DNAH17: variants seen among roughly 807,000 people sequenced by gnomAD.
DNAH17 encodes axonemal beta dynein heavy chain 17.
DNAH17 carries 376 observed loss-of-function variants against 485.6 expected under a neutral mutation model. That is an observed-to-expected ratio of 0.77 (90% CI 0.71 to 0.84). DNAH17 has a LOEUF of 0.84. Among genes scored for constraint, DNAH17 ranks in the 40% least tolerant of loss-of-function variants. DNAH17 has a pLI of 0.00. For synonymous variants in DNAH17, 3,031 were observed against 2,405.9 expected, an observed-to-expected ratio of 1.26 and a Z score of -7.60; for missense variants, 6,370 against 5,839.3, an observed-to-expected ratio of 1.09 and a Z score of -2.96.
rs1275176403 is a variant in DNAH17, at chr17:78,500,363, C to T, written c.5582G>A (p.Gly1861Asp). 6.2e-7 allele frequency: 1 copy of T among 1,612,794 alleles called. No individual in the cohort carries two copies. Reference protein sequence around the residue: ...TGKTETTKDLGRALGTMVYVF... With the variant: ...TGKTETTKDLDRALGTMVYVF... ...GTAGACCATGGTGCCCAGGGCTCTG[C>T]CCAGGTCCTTGGTCGTCTCAGTCTT... Residue 1861 changes from glycine to aspartate, a missense_variant, in exon 36 of 81, where the codon GGC becomes GAC. Gly to Asp is a moderately conservative substitution (Grantham distance 94). Transcript: ENST00000389840.
chr17:78,459,467 C>T (rs984191498), intron 60 of DNAH17, among the ~76,000 whole-genome samples: 12 of 152,218 alleles, frequency 7.9e-5, no homozygotes, highest in Admixed American at 2.0e-4. Flanking sequence ...GAGATGCAGA[C>T]GAGATGACGT....
chr17:78,449,295 G>A (rs758224712), intron 69 of DNAH17, 119 bp downstream of exon 69: 2 of 1,053,008 alleles, frequency 1.9e-6, no homozygotes, highest in African/African-American at 3.2e-5. Context: ...CTAAAATGCG[G>A]GTTTGAAATC....
chr17:78,423,886 G>T lies in DNAH17; in HGVS notation c.*20C>A, dbSNP rs751856381. ...TTGTGGTCCAGCCCCAGGGAGTGTG[G>T]GCTGTGAGGCAGGAGCGAGCTAAAC... is the stretch of plus-strand genomic sequence containing the variant. On this transcript the variant is annotated 3_prime_UTR_variant, in exon 81 of 81. Transcript: ENST00000389840. 1.1e-5 allele frequency: 17 copies of T among 1,613,194 alleles called. No individual in the cohort carries two copies. The South Asian group carries it at 1.9e-4, about 18-fold the overall frequency.
intron 39 of DNAH17, 21 bp from the exon 40 acceptor site, chr17:78,494,841 T>C (rs2090007482): frequency 1.9e-6 from 3 of 1,581,982 alleles, no homozygotes; most frequent in African/African-American, 2.7e-5. Flanking sequence ...TGGGCACAGG[T>C]GGGCAGACGT....
At chr17:78,553,204 A>G (rs1289289847) in intron 14 of DNAH17, among the ~76,000 whole-genome samples, 3 of 142,762 alleles carry the variant, frequency 2.1e-5, no homozygotes, top group Non-Finnish European at 4.5e-5. Flanking sequence ...AGAAACCACT[A>G]TGCTTCCTGT....
In DNAH17 at chr17:78,539,845, G is replaced by T. The variant is rs1598673355; in HGVS notation, c.2568C>A (p.Ser856Arg). Residue 856 changes from serine (S) to arginine (R), a missense_variant, in exon 18 of 81, where the codon AGC becomes AGA. Transcript: ENST00000389840. Reference protein sequence around the residue: ...NAELFRADTLSLPWKDYVIYI... With the variant: ...NAELFRADTLRLPWKDYVIYI... ...AGATGACATAATCCTTCCAGGGCAGGCTCAGTGTGTCTGCCCTGAATAGTT... is the reference window on the plus strand; with the variant it reads ...AGATGACATAATCCTTCCAGGGCAGTCTCAGTGTGTCTGCCCTGAATAGTT... 1.2e-6 allele frequency: 2 copies of T among 1,609,774 alleles called. No individual in the cohort carries two copies. The highest frequency in any genetic ancestry group is 1.7e-6 in the Non-Finnish European group (2 of 1,178,794).
chr17:78,539,610 G>A (rs567398037), intron 18 of DNAH17, 127 bp downstream of exon 18: 12 of 893,830 alleles, frequency 1.3e-5, no homozygotes, highest in South Asian at 1.2e-4. Flanking sequence ...CAAGTAGATT[G>A]CATAAGATAT....
chr17:78,525,146 A>G lies in DNAH17; in HGVS notation c.3727T>C (p.Ser1243Pro). ...GCCTCCATGATGCCTTCCATGGCGGAGATGCTCTTTTGTTGCTAGGGGCGG... is the reference window on the plus strand; with the variant it reads ...GCCTCCATGATGCCTTCCATGGCGGGGATGCTCTTTTGTTGCTAGGGGCGG... ...KSLNKQQKSI[S>P]AMEGIMEALS... Residue 1243 changes from serine (S) to proline (P), a missense_variant, in exon 25 of 81, where the codon TCC becomes CCC. Coordinates refer to ENST00000389840, the MANE Select transcript of DNAH17 (RefSeq NM_173628.4). 6.2e-7 allele frequency: 1 copy of G among 1,613,290 alleles called. No homozygotes were observed. The highest frequency in any genetic ancestry group is 8.5e-7 in the Non-Finnish European group (1 of 1,179,662).
chr17:78,518,075 G>C (rs2090836455), intron 25 of DNAH17, among the ~76,000 whole-genome samples: 1 of 152,126 alleles, frequency 6.6e-6, no homozygotes, highest in Non-Finnish European at 1.5e-5. Flanking sequence ...AAATAAAAGA[G>C]AGTCAGAGGA....
intron 1 of DNAH17, 47 bp downstream of exon 1, chr17:78,577,248 C>G (rs1425590133): frequency 6.6e-6 from 1 of 152,570 alleles, no homozygotes; most frequent in Admixed American, 6.5e-5. Flanking sequence ...TCCCTGCTCC[C>G]TCCACCTTGG....
intron 56 of DNAH17, among the ~76,000 whole-genome samples, chr17:78,464,059 A>G (rs78502439): frequency 0.039 from 5,957 of 152,304 alleles, 146 homozygotes; most frequent in Non-Finnish European, 0.063. Flanking sequence ...AACTAGGAAA[A>G]AGAGAAGCTA....
intron 17 of DNAH17, 143 bp from the exon 18 acceptor site, chr17:78,540,023 G>C: frequency 1.3e-6 from 1 of 751,720 alleles, no homozygotes; most frequent in Non-Finnish European, 1.9e-6. Context: ...GCTGGTGCTG[G>C]CCGCCTTCCT....
At chr17:78,550,852 G>A (rs557667644) in intron 16 of DNAH17, among the ~76,000 whole-genome samples, 1 of 152,326 alleles carries the variant, frequency 6.6e-6, no homozygotes, top group Admixed American at 6.5e-5. Flanking sequence ...TTTTGGACAA[G>A]GGAGGACTCA....
intron 33 of DNAH17, 116 bp downstream of exon 33, chr17:78,502,475 C>G: frequency 9.7e-7 from 1 of 1,031,712 alleles, no homozygotes; most frequent in Non-Finnish European, 1.4e-6. Context: ...GCTCAGCCTC[C>G]GAGAAGAAGC....
chr17:78,442,069 C>G (rs528312127), intron 71 of DNAH17, among the ~76,000 whole-genome samples: 4 of 135,226 alleles, frequency 3.0e-5, no homozygotes, highest in African/African-American at 1.2e-4. Flanking sequence ...GGCAAGAGAG[C>G]GAGACTCCAT....
At chr17:78,450,873 G>T in intron 66 of DNAH17, 27 bp from the exon 67 acceptor site, 1 of 1,611,158 alleles carries the variant, frequency 6.2e-7, no homozygotes, top group African/African-American at 1.3e-5. Flanking sequence ...AGGAGTCACT[G>T]CATTGCCTGG....
Position 78,543,889 on chromosome 17 carries a change from C to T in DNAH17, c.2500G>A (p.Asp834Asn). Reference protein sequence around the residue: ...NLNKRYAAVRDAGVKIQAMVA... With the variant: ...NLNKRYAAVRNAGVKIQAMVA... ...ATGGCTTGGATCTTCACTCCAGCAT[C>T]CCTGACTGCTGCGTAGCGCTTGTTG... The change falls in exon 17 of 81, where the codon GAT becomes AAT. Residue 834 changes from aspartate to asparagine, a missense_variant. Coordinates refer to ENST00000389840, the MANE Select transcript of DNAH17 (RefSeq NM_173628.4). 6.2e-7 allele frequency: 1 copy of T among 1,614,040 alleles called. No homozygotes were observed. Among genetic ancestry groups the T allele is most frequent in the Non-Finnish European group, 8.5e-7 (1 of 1,179,898 alleles).
At chr17:78,530,128 C>T (rs146103028) in intron 21 of DNAH17, among the ~76,000 whole-genome samples, 177 of 152,358 alleles carry the variant, frequency 1.2e-3, no homozygotes, top group African/African-American at 4.0e-3. Flanking sequence ...AGCAGGTGCT[C>T]GGTACACCGG....
chr17:78,501,942 G>T, intron 33 of DNAH17, 69 bp from the exon 34 acceptor site: 2 of 1,598,804 alleles, frequency 1.3e-6, no homozygotes, highest in South Asian at 1.1e-5. Context: ...TTGTGGCTGG[G>T]TGCCCACAGC....
Sources: allele counts gnomAD v4.1 joint callset (sites outside exome capture counted in the v4.1 genomes callset), GRCh38; gene constraint gnomAD v4.1.1; transcripts MANE v1.5; gene names NCBI Gene and HGNC (gene_info 2026-07-23, HGNC 2026-07-21).